Variants in GPR89B observed in about 807,000 individuals in gnomAD.
GPR89B encodes G protein-coupled receptor 89B.
GPR89B carries 25 observed loss-of-function variants against 52.4 expected under a neutral mutation model. That is an observed-to-expected ratio of 0.48 (90% CI 0.35 to 0.67). The LOEUF (loss-of-function observed/expected upper bound fraction) is 0.67. Among genes scored for constraint, GPR89B ranks in the 30% least tolerant of loss-of-function variants. The pLI, the probability that GPR89B is intolerant of heterozygous loss-of-function variation, is 0.01. For missense variants in GPR89B, 146 were observed against 450.2 expected (o/e 0.32, Z 6.11); for synonymous variants, 52 against 151.2 (o/e 0.34, Z 4.81).
intron 3 of GPR89B, 74 bp downstream of exon 3, chr1:147,938,891 C>G: frequency 1.2e-5 from 18 of 1,525,698 alleles, no homozygotes; most frequent in Middle Eastern, 1.8e-4. Context: ...GCTATTGGAT[C>G]TCATAACTGA....
At chr1:148,025,565 G>A in the GPR89B span, among the ~76,000 whole-genome samples, 12 of 139,338 alleles carry the variant, frequency 8.6e-5, no homozygotes, top group South Asian at 4.6e-4. Context: ...TCTTAGGCTC[G>A]TCCCTATTGC....
At chr1:147,929,544 T>G (rs1653353512) in intron 1 of GPR89B, among the ~76,000 whole-genome samples, 1 of 152,148 alleles carries the variant, frequency 6.6e-6, no homozygotes, top group Admixed American at 6.5e-5. Context: ...AATAAAGATT[T>G]TGTGTGTGTG....
chr1:147,937,792 T>TA (rs1196023968), intron 2 of GPR89B, among the ~76,000 whole-genome samples: 1 of 152,098 alleles, frequency 6.6e-6, no homozygotes, highest in South Asian at 2.1e-4. Context: ...CAAACACACA[T>TA]GTTTTGCAAA....
At chr1:147,994,019 T>A, downstream of GPR89B, 1 of 840,590 alleles carries the variant, frequency 1.2e-6, no homozygotes, top group Non-Finnish European at 1.6e-6. Context: ...GACATCATCA[T>A]ACAGAGAAAT....
the GPR89B span, among the ~76,000 whole-genome samples, chr1:148,002,896 A>G: frequency 6.6e-6 from 1 of 152,114 alleles, no homozygotes; most frequent in Non-Finnish European, 1.5e-5. Flanking sequence ...TCATGTTACA[A>G]AGCCTGAACT....
At chr1:147,940,557 G>T (rs587678452) in intron 3 of GPR89B, among the ~76,000 whole-genome samples, 17 of 152,218 alleles carry the variant, frequency 1.1e-4, no homozygotes, top group Admixed American at 9.8e-4. Flanking sequence ...TTAAGCAGGG[G>T]TTGGCAGTCT....
intron 10 of GPR89B, among the ~76,000 whole-genome samples, chr1:147,970,491 A>ATCTCTCTCTCTCTCTCCCTCCC (rs1558058762): frequency 0.01 from 1,078 of 104,756 alleles, no homozygotes; most frequent in Non-Finnish European, 0.013. Context: ...GTGAGACTCC[A>ATCTCTCTCTCTCTCTCCCTCCC]TCTCTCTCTC....
At chr1:148,014,625 C>G in the GPR89B span, 1 of 152,130 alleles carries the variant, frequency 6.6e-6, no homozygotes, top group Non-Finnish European at 1.5e-5. Flanking sequence ...GGCCGACGAT[C>G]AGGGTCACCA....
chr1:147,950,455 T>G (rs1214025607), intron 5 of GPR89B, among the ~76,000 whole-genome samples: 4 of 142,352 alleles, frequency 2.8e-5, no homozygotes, highest in Non-Finnish European at 6.1e-5. Flanking sequence ...CCAGACTGGG[T>G]AGCCAGGCAG....
At chr1:147,968,797 A>G in intron 8 of GPR89B, 78 bp from the exon 9 acceptor site, 28 of 1,611,488 alleles carry the variant, frequency 1.7e-5, no homozygotes, top group Non-Finnish European at 2.3e-5. Context: ...TGTAGGAAAA[A>G]CTAAAAGTAT....
the GPR89B span, among the ~76,000 whole-genome samples, chr1:148,019,351 G>T: frequency 6.1e-4 from 92 of 151,486 alleles, no homozygotes; most frequent in Non-Finnish European, 6.3e-4. Context: ...ACTTATAACT[G>T]GGAGCTGAAT....
chr1:147,998,141 G>T (rs1231377424), downstream of GPR89B, among the ~76,000 whole-genome samples: 4 of 148,032 alleles, frequency 2.7e-5, no homozygotes, highest in East Asian at 7.9e-4. Context: ...ACCTGGGTAT[G>T]GTGTGATCCT....
At position 147,986,428 on chromosome 1, in the gene GPR89B, C is replaced by T. The variant is rs1366911383; in HGVS notation, c.1005+134C>T. 5.9e-5 allele frequency: 41 copies of T among 700,104 alleles called. 1 individual carries two copies. In the South Asian group the frequency reaches 6.6e-4, roughly 11 times the overall value. The allele number at this position is 700,104 out of a possible 1,614,324, so 43.4% of individuals were successfully genotyped here. On this transcript the variant is annotated intron_variant, in intron 11 of 13. Coordinates refer to ENST00000314163, the MANE Select transcript of GPR89B (RefSeq NM_016334.5). ...GTTCTTCCCACTCTGTATATTTTGA[C>T]GTATTCACATGGAAAATTTTTATAT...
chr1:148,012,408 A>T, the GPR89B span, among the ~76,000 whole-genome samples: 2 of 151,792 alleles, frequency 1.3e-5, no homozygotes, highest in Non-Finnish European at 2.9e-5. Context: ...TGCTGAAGAA[A>T]ATTCTGTCTT....
chr1:148,000,918 A>G, the GPR89B span, among the ~76,000 whole-genome samples: 1 of 132,576 alleles, frequency 7.5e-6, no homozygotes, highest in Non-Finnish European at 1.6e-5. Flanking sequence ...TTTATTTGCT[A>G]AGGGCTTACA....
chr1:148,003,774 T>G, the GPR89B span: 3 of 526,330 alleles, frequency 5.7e-6, no homozygotes, highest in Non-Finnish European at 1.0e-5. Flanking sequence ...AGTTTCCTGC[T>G]CTTGTACCTT....
chr1:148,008,175 C>G, the GPR89B span, among the ~76,000 whole-genome samples: 512 of 152,352 alleles, frequency 3.4e-3, 4 homozygotes, highest in Non-Finnish European at 4.5e-3. Flanking sequence ...GTAACTTAAA[C>G]TCTGCTTCCT....
chr1:147,958,845 G>C (rs1656324198), intron 7 of GPR89B, among the ~76,000 whole-genome samples: 1 of 152,016 alleles, frequency 6.6e-6, no homozygotes, highest in Non-Finnish European at 1.5e-5. Context: ...AGAAGAATCA[G>C]CCTCCCAGCA....
chr1:148,008,110 C>T, the GPR89B span, among the ~76,000 whole-genome samples: 2 of 151,874 alleles, frequency 1.3e-5, no homozygotes, highest in Non-Finnish European at 2.9e-5. Context: ...TGTATGTCAA[C>T]CTAGGCAAGG....
Sources: allele counts gnomAD v4.1 joint callset (sites outside exome capture counted in the v4.1 genomes callset), GRCh38; gene constraint gnomAD v4.1.1; transcripts MANE v1.5; gene names NCBI Gene and HGNC (gene_info 2026-07-23, HGNC 2026-07-21).